KIAA0930: variants seen among roughly 807,000 people sequenced by gnomAD.
KIAA0930 encodes the protein uncharacterized protein KIAA0930.
KIAA0930 carries 24 observed loss-of-function variants against 43.9 expected under a neutral mutation model. That is an observed-to-expected ratio of 0.55 (90% CI 0.40 to 0.77). The LOEUF (loss-of-function observed/expected upper bound fraction) is 0.77, where lower values mean the gene tolerates loss of function less well. KIAA0930 is among the 30% of genes least tolerant of loss of function. The probability of loss-of-function intolerance (pLI) is 0.00; values close to 1 mark genes in which losing one functional copy is unlikely to be tolerated. For missense variants in KIAA0930, 461 were observed against 574.2 expected, an observed-to-expected ratio of 0.80 and a Z score of 2.02; for synonymous variants, 259 against 216.4, an observed-to-expected ratio of 1.20 and a Z score of -1.73.
chr22:45,199,388 G>A (rs571128385), intron 8 of KIAA0930, among the ~76,000 whole-genome samples: 1 of 152,280 alleles, frequency 6.6e-6, no homozygotes, highest in East Asian at 1.9e-4. Flanking sequence ...GCTGCACGAG[G>A]TGGCGACTGT....
chr22:45,197,032 G>T lies in KIAA0930; in HGVS notation c.*144C>A. ...GCTGGTGTTCGTGGAGTCGGCCCCG[G>T]CCCCGGGAGTCGAGTGGCCTCGCCT... On this transcript the variant is annotated 3_prime_UTR_variant, in exon 10 of 10. Transcript: ENST00000336156. The T allele has an allele frequency of 1.5e-6, 1 of 662,028 alleles. No homozygotes were observed. The highest frequency in any genetic ancestry group is 1.9e-5 in the African/African-American group (1 of 52,740). 41.0% of individuals were successfully genotyped at this position (662,028 alleles called of 1,614,324 possible). A position where few individuals can be genotyped will look rare whatever the true frequency, so the allele number is the denominator to read the frequency against.
At chr22:45,198,351 C>G (rs899991178) in intron 8 of KIAA0930, among the ~76,000 whole-genome samples, 1 of 152,246 alleles carries the variant, frequency 6.6e-6, no homozygotes, top group Non-Finnish European at 1.5e-5. Flanking sequence ...ATTACCCAGT[C>G]CTGCGGTCCA....
intron 1 of KIAA0930, among the ~76,000 whole-genome samples, chr22:45,221,325 G>A (rs1345976355): frequency 6.6e-6 from 1 of 152,192 alleles, no homozygotes; most frequent in African/African-American, 2.4e-5. Context: ...GCTGCAAATG[G>A]CATGGCAGTA....
At chr22:45,221,920 G>A (rs1413506139) in intron 1 of KIAA0930, among the ~76,000 whole-genome samples, 1 of 152,180 alleles carries the variant, frequency 6.6e-6, no homozygotes, top group East Asian at 1.9e-4. Context: ...TTTTAGTAGA[G>A]ACGGGGTATC....
rs192383022 is a variant in KIAA0930, at chr22:45,224,305, C to T, written c.65-12198G>A. 3.3e-5 allele frequency among the ~76,000 whole-genome samples: 5 copies of T among 152,226 alleles called. No individual in the cohort carries two copies. In the South Asian group the frequency reaches 6.2e-4, roughly 19 times the overall value. On this transcript the variant is annotated intron_variant, in intron 1 of 9. Transcript: ENST00000336156. ...TGGTGCAGTGCACAGATCCTCATCCCGCAAATAAAACAAAGACAAAAAAAA... is the reference window on the plus strand; with the variant it reads ...TGGTGCAGTGCACAGATCCTCATCCTGCAAATAAAACAAAGACAAAAAAAA...
intron 9 of KIAA0930, 37 bp from the exon 10 acceptor site, chr22:45,197,253 C>A: frequency 6.5e-7 from 1 of 1,539,002 alleles, no homozygotes. Context: ...GAAACAGTAA[C>A]CCTCAACAGC....
In KIAA0930 at chr22:45,196,870, GCT is replaced by G. The variant is rs1328873308; in HGVS notation, c.*304_*305del. 6 of 376,154 alleles carry G rather than the reference GCT, an allele frequency of 1.6e-5. No homozygotes were observed. The highest frequency in any genetic ancestry group is 2.4e-5 in the Non-Finnish European group (5 of 209,368). 23.3% of individuals were successfully genotyped at this position (376,154 alleles called of 1,614,324 possible). A position where few individuals can be genotyped will look rare whatever the true frequency, so the allele number is the denominator to read the frequency against. On this transcript the variant is annotated 3_prime_UTR_variant, in exon 10 of 10. Coordinates refer to ENST00000336156, the MANE Select transcript of KIAA0930 (RefSeq NM_001009880.2). This position sits in a 1 kb window ranked among gnomAD's most constrained non-coding sequence, Gnocchi z 4.1. ...GCTCTGGGCATCAGCTGCTCCTTCCGCTCTCTCTCATGGCCGCTCGGCATCTC... is the reference window on the plus strand; with the variant it reads ...GCTCTGGGCATCAGCTGCTCCTTCCGCTCTCTCATGGCCGCTCGGCATCTC...
At chr22:45,221,544 A>G (rs1036590413) in intron 1 of KIAA0930, among the ~76,000 whole-genome samples, 1 of 152,196 alleles carries the variant, frequency 6.6e-6, no homozygotes, top group African/African-American at 2.4e-5. Context: ...CTCTATGATC[A>G]TTTTGTTCAA....
intron 1 of KIAA0930, among the ~76,000 whole-genome samples, chr22:45,219,320 T>TTAGG (rs1324295838): frequency 6.6e-6 from 1 of 152,160 alleles, no homozygotes; most frequent in African/African-American, 2.4e-5. Context: ...GCCACTGTGG[T>TTAGG]TACTATGATA....
chr22:45,232,329 G>A (rs2083859002), intron 1 of KIAA0930, among the ~76,000 whole-genome samples: 1 of 152,228 alleles, frequency 6.6e-6, no homozygotes, highest in Middle Eastern at 3.2e-3. Context: ...CTCCAAGTGT[G>A]AAAAGCATTT....
chr22:45,200,298 G>C (rs933779387), intron 7 of KIAA0930: 3 of 415,816 alleles, frequency 7.2e-6, no homozygotes, highest in Non-Finnish European at 1.3e-5. Context: ...ATGGCAGAAA[G>C]ACCCCCCTCC....
At position 45,192,830 on chromosome 22, in the gene KIAA0930, C is replaced by T. The variant is rs1301746771; in HGVS notation, c.*4346G>A. 6.6e-6 allele frequency: 1 copy of T among 152,244 alleles called. No individual in the cohort carries two copies. Among genetic ancestry groups the T allele is most frequent in the Non-Finnish European group, 1.5e-5 (1 of 68,052 alleles). 9.4% of individuals were successfully genotyped at this position (152,244 alleles called of 1,614,324 possible). A position where few individuals can be genotyped will look rare whatever the true frequency, so the allele number is the denominator to read the frequency against. On this transcript the variant is annotated 3_prime_UTR_variant, in exon 10 of 10. Coordinates refer to ENST00000336156, the MANE Select transcript of KIAA0930 (RefSeq NM_001009880.2). ...AGGAGCTCTGAACCCAGCCCTGAGGCCACTCGGTGTCCCGAGGAGTGCTCC... is the reference window on the plus strand; with the variant it reads ...AGGAGCTCTGAACCCAGCCCTGAGGTCACTCGGTGTCCCGAGGAGTGCTCC...
At chr22:45,202,667 G>T (rs937343435) in intron 7 of KIAA0930, 4 of 246,126 alleles carry the variant, frequency 1.6e-5, no homozygotes, top group Middle Eastern at 1.2e-3. Context: ...CACTGGCTCT[G>T]TGGACTCAGC....
rs145853582 is a variant in KIAA0930 at position 45,219,296 on chromosome 22, G to A, written c.65-7189C>T. Among the ~76,000 whole-genome samples the A allele has an allele frequency of 6.5e-3, 991 of 152,266 alleles. 9 individuals are homozygous for A. The highest frequency in any genetic ancestry group is 0.022 in the African/African-American group (903 of 41,530). On this transcript the variant is annotated intron_variant, in intron 1 of 9. Coordinates refer to ENST00000336156, the MANE Select transcript of KIAA0930 (RefSeq NM_001009880.2). The stretch of plus-strand genomic sequence containing the variant: ...AGCAGTGCAACACGCACTTAGAAAC[G>A]ATGAATGACAACTGCCACTGTGGTT...
chr22:45,205,741 G>A, intron 3 of KIAA0930, 34 bp from the exon 4 acceptor site: 3 of 1,613,610 alleles, frequency 1.9e-6, no homozygotes, highest in Non-Finnish European at 2.5e-6. Context: ...TGCAGGGAGG[G>A]GTCAGCCATC....
At chr22:45,202,759 C>T (rs1476659039) in intron 7 of KIAA0930, 4 of 482,744 alleles carry the variant, frequency 8.3e-6, no homozygotes, top group African/African-American at 4.0e-5. Context: ...AGGCACAGCC[C>T]TCCAGGTCTG....
chr22:45,208,561 C>T (rs5766542), intron 2 of KIAA0930, among the ~76,000 whole-genome samples: 14,316 of 111,238 alleles, frequency 0.13, 2,056 homozygotes, highest in Non-Finnish European at 0.16. Flanking sequence ...AGAACCCGCC[C>T]GGGAAGTTTG....
chr22:45,201,348 T>A (rs1182236517), intron 7 of KIAA0930, among the ~76,000 whole-genome samples: 1 of 152,142 alleles, frequency 6.6e-6, no homozygotes, highest in African/African-American at 2.4e-5. Context: ...TCCTCCTGAA[T>A]CCCAGGGCTG....
At chr22:45,231,195 G>A (rs1418720708) in intron 1 of KIAA0930, among the ~76,000 whole-genome samples, 10 of 146,438 alleles carry the variant, frequency 6.8e-5, no homozygotes, top group Non-Finnish European at 1.2e-4. Context: ...AGAGGTTGCA[G>A]TGAGCCAAGA....
Sources: allele counts gnomAD v4.1 joint callset (sites outside exome capture counted in the v4.1 genomes callset), GRCh38; gene constraint gnomAD v4.1.1; non-coding constraint Gnocchi (gnomAD v3.1); transcripts MANE v1.5; gene names NCBI Gene and HGNC (gene_info 2026-07-23, HGNC 2026-07-21).